GRM7: variants seen among roughly 807,000 people sequenced by gnomAD.
GRM7 encodes glutamate metabotropic receptor 7.
A neutral mutation model predicts 84.5 loss-of-function variants in GRM7; 35 were observed. The ratio of observed to expected loss-of-function variants is 0.41; its 90% CI spans 0.32 to 0.55. The LOEUF is 0.55. GRM7 is among the 20% of genes least tolerant of loss of function. The probability of loss-of-function intolerance (pLI) is 0.19; values close to 1 mark genes in which losing one functional copy is unlikely to be tolerated. For missense variants in GRM7, 1,003 were observed against 1,194.6 expected (o/e 0.84, Z 2.36); for synonymous variants, 487 against 455.1 (o/e 1.07, Z -0.89).
At chr3:7,674,491 T>C (rs1163289265) in intron 8 of GRM7, among the ~76,000 whole-genome samples, 2 of 152,116 alleles carry the variant, frequency 1.3e-5, no homozygotes, top group Non-Finnish European at 2.9e-5. Flanking sequence ...AGTGCCCGGA[T>C]GAATATTTAT....
Position 7,740,443 on chromosome 3 carries a change from C to G in GRM7, c.*37C>G. 8.1e-7 allele frequency: 1 copy of G among 1,241,780 alleles called. No individual in the cohort carries two copies. The allele number at this position is 1,241,780 out of a possible 1,614,324, so 76.9% of individuals were successfully genotyped here. A position where few individuals can be genotyped will look rare whatever the true frequency, so the allele number is the denominator to read the frequency against. On this transcript the variant is annotated 3_prime_UTR_variant, in exon 10 of 10. Coordinates refer to ENST00000357716, the MANE Select transcript of GRM7 (RefSeq NM_000844.4). ...CCATGGAACCATGGAGGAGGAAGACCCTCAGTTATTTTGTCACCCAACCTG... is the reference window on the plus strand; with the variant it reads ...CCATGGAACCATGGAGGAGGAAGACGCTCAGTTATTTTGTCACCCAACCTG...
At chr3:7,726,418 A>G (rs1252966700) in intron 9 of GRM7, among the ~76,000 whole-genome samples, 3 of 151,874 alleles carry the variant, frequency 2.0e-5, no homozygotes, top group Non-Finnish European at 2.9e-5. Flanking sequence ...ATGTAGCTTA[A>G]AAAGTAAAAT....
chr3:7,029,187 G>T (rs116205737), intron 1 of GRM7, among the ~76,000 whole-genome samples: 2,374 of 151,724 alleles, frequency 0.016, 70 homozygotes, highest in African/African-American at 0.053. Flanking sequence ...ACTTGTAATC[G>T]TAGCTACTTG....
chr3:7,146,485 G>A lies in GRM7; in HGVS notation c.553G>A (p.Glu185Lys). ...GATTAGTTATGCATCAACGGCACCC[G>A]AGCTAAGTGATGACCGGCGCTATGA... ...PQISYASTAP[E>K]LSDDRRYDFF... Residue 185 changes from glutamate (E) to lysine (K), a missense_variant, in exon 2 of 10, where the codon GAG (glutamate) becomes AAG (lysine). Glu to Lys is a moderately conservative substitution (Grantham distance 56, BLOSUM62 1). Coordinates refer to ENST00000357716, the MANE Select transcript of GRM7 (RefSeq NM_000844.4). 1 of 1,613,736 alleles carries A rather than the reference G, an allele frequency of 6.2e-7. No homozygotes were observed. Among genetic ancestry groups the A allele is most frequent in the Non-Finnish European group, 8.5e-7 (1 of 1,179,916 alleles).
chr3:7,042,271 G>A (rs769849552), intron 1 of GRM7, among the ~76,000 whole-genome samples: 1 of 152,126 alleles, frequency 6.6e-6, no homozygotes. Flanking sequence ...AGGGGTGGGA[G>A]CAACAAGCTT....
chr3:7,100,476 T>C (rs1018507842), intron 1 of GRM7, among the ~76,000 whole-genome samples: 1 of 151,834 alleles, frequency 6.6e-6, no homozygotes, highest in Non-Finnish European at 1.5e-5. Context: ...GGATAGTTTT[T>C]CATAGGCAAA....
chr3:7,178,965 G>T (rs987422084), intron 2 of GRM7, among the ~76,000 whole-genome samples: 2 of 152,012 alleles, frequency 1.3e-5, no homozygotes, highest in African/African-American at 4.8e-5. Context: ...TACAAGCTGG[G>T]TGTGGTGGCA....
rs555145592 is a variant in GRM7, at chr3:7,132,789, A to T, written c.520-13663A>T. 1.4e-4 allele frequency among the ~76,000 whole-genome samples: 22 copies of T among 152,312 alleles called. 1 individual carries two copies. Among genetic ancestry groups the T allele is most frequent in the Middle Eastern group, 3.4e-3 (1 of 294 alleles). The stretch of plus-strand genomic sequence containing the variant: ...GCTTGACGCTGAAAGTGGCTTCGGA[A>T]TCATTAAGTGAAGATTTCACCATGT... On this transcript the variant is annotated intron_variant, in intron 1 of 9. Coordinates refer to ENST00000357716, the MANE Select transcript of GRM7 (RefSeq NM_000844.4).
intron 1 of GRM7, among the ~76,000 whole-genome samples, chr3:7,061,784 T>C (rs938141473): frequency 2.0e-5 from 3 of 151,624 alleles, no homozygotes; most frequent in Non-Finnish European, 4.4e-5. Flanking sequence ...TCCAGCAAAA[T>C]TGGTTCTATC....
At chr3:6,909,141 C>T (rs1302116551) in intron 1 of GRM7, among the ~76,000 whole-genome samples, 2 of 152,078 alleles carry the variant, frequency 1.3e-5, no homozygotes, top group Admixed American at 1.3e-4. Context: ...TATGGACATA[C>T]AAGAACATGA....
chr3:6,884,685 C>T (rs150421635), intron 1 of GRM7, among the ~76,000 whole-genome samples: 244 of 152,050 alleles, frequency 1.6e-3, no homozygotes, highest in Non-Finnish European at 2.1e-3. Context: ...CTGCAACACT[C>T]GCCTTTGGGG....
chr3:7,303,839 C>G (rs183395945), intron 3 of GRM7, among the ~76,000 whole-genome samples: 46 of 151,790 alleles, frequency 3.0e-4, no homozygotes, highest in African/African-American at 9.9e-4. Flanking sequence ...TCCTCTCACT[C>G]TCTCTTTGTT....
chr3:7,295,681 G>T (rs888884356), intron 2 of GRM7, among the ~76,000 whole-genome samples: 2 of 152,146 alleles, frequency 1.3e-5, no homozygotes, highest in African/African-American at 2.4e-5. Flanking sequence ...AGCAGGACTG[G>T]TTTTTCGGTG....
intron 5 of GRM7, among the ~76,000 whole-genome samples, chr3:7,450,760 C>T (rs903334644): frequency 9.9e-5 from 15 of 151,904 alleles, no homozygotes; most frequent in African/African-American, 3.4e-4. Flanking sequence ...AACCCTAGAT[C>T]CCGTGACAGG....
At chr3:6,887,369 A>G (rs1310540266) in intron 1 of GRM7, among the ~76,000 whole-genome samples, 1 of 151,882 alleles carries the variant, frequency 6.6e-6, no homozygotes, top group Admixed American at 6.6e-5. Context: ...TCCTAATGCT[A>G]TCCCTCCCCC....
chr3:7,688,849 A>G (rs1355368652), intron 9 of GRM7, among the ~76,000 whole-genome samples: 1 of 152,222 alleles, frequency 6.6e-6, no homozygotes, highest in African/African-American at 2.4e-5. Context: ...AAGTAGGTTC[A>G]AATTCAGATG....
At chr3:6,957,904 AGAT>A (rs2125077779) in intron 1 of GRM7, among the ~76,000 whole-genome samples, 1 of 152,338 alleles carries the variant, frequency 6.6e-6, no homozygotes, top group African/African-American at 2.4e-5. Context: ...CATTTTACAA[AGAT>A]AAAGTACAGA....
At chr3:7,483,848 A>T (rs952033478) in intron 7 of GRM7, among the ~76,000 whole-genome samples, 1 of 152,008 alleles carries the variant, frequency 6.6e-6, no homozygotes, top group Admixed American at 6.6e-5. Context: ...ATTTAGGAAT[A>T]TTATAAAACA....
intron 1 of GRM7, among the ~76,000 whole-genome samples, chr3:7,078,356 G>A (rs1380745601): frequency 6.6e-6 from 1 of 152,134 alleles, no homozygotes; most frequent in Non-Finnish European, 1.5e-5. Flanking sequence ...CAAGCCCCTT[G>A]GGGTATTTGC....
Sources: gnomAD v4.1 joint callset for allele counts (sites outside exome capture counted in the v4.1 genomes callset) on GRCh38, gnomAD v4.1.1 for gene constraint, MANE v1.5 for transcripts, NCBI Gene and HGNC (gene_info 2026-07-23, HGNC 2026-07-21) for gene names.